Variants in SF3A2 observed in about 807,000 individuals in gnomAD.
SF3A2 encodes the protein splicing factor 3a subunit 2, also known as SAP 62.
A neutral mutation model predicts 31.1 loss-of-function variants in SF3A2; 5 were observed. The ratio of observed to expected loss-of-function variants is 0.16; its 90% CI spans 0.08 to 0.34. The LOEUF is 0.34. Among genes scored for constraint, SF3A2 ranks in the 10% least tolerant of loss-of-function variants. The pLI, the probability that SF3A2 is intolerant of heterozygous loss-of-function variation, is 1.00. For synonymous variants in SF3A2, 365 were observed against 263.7 expected (o/e 1.38, Z -3.72); for missense variants, 577 against 643.9 (o/e 0.90, Z 1.13).
chr19:2,240,482 C>T (rs149479783), intron 1 of SF3A2, among the ~76,000 whole-genome samples: 27 of 152,290 alleles, frequency 1.8e-4, no homozygotes, highest in East Asian at 1.3e-3. Context: ...TCGGTGGCTG[C>T]GATGGCTTGG....
rs575207411 is a variant in SF3A2, at chr19:2,240,412, G to A, written c.-37-2970G>A. Among the ~76,000 whole-genome samples the A allele has an allele frequency of 5.9e-5, 9 of 152,350 alleles. No homozygotes were observed. The East Asian group carries it at 1.5e-3, about 26-fold the overall frequency. ...CTCGAGGGTTGTGGGCGATCCGAGC[G>A]TGGGACCTTCCCCGGGGTGCCGCCC... On this transcript the variant is annotated intron_variant, in intron 1 of 8. Transcript: ENST00000221494.
intron 2 of SF3A2, among the ~76,000 whole-genome samples, chr19:2,243,850 C>A (rs2024910149): frequency 6.6e-6 from 1 of 152,222 alleles, no homozygotes; most frequent in African/African-American, 2.4e-5. Flanking sequence ...TGGTGAAGGG[C>A]AGCCTTTGAT....
In SF3A2 at chr19:2,247,487, C is replaced by T. The variant is rs115899111; in HGVS notation, c.547-107C>T. The T allele has an allele frequency of 3.7e-4, 427 of 1,148,210 alleles. 1 individual carries two copies. The African/African-American group carries it at 4.9e-3, about 13-fold the overall frequency. 71.1% of individuals were successfully genotyped at this position (1,148,210 alleles called of 1,614,324 possible). On this transcript the variant is annotated intron_variant, in intron 7 of 8. Transcript: ENST00000221494. ...AGTCTTACCAGCCTTCTCCTGGGCT[C>T]CCAGGGTAGAGTCCGGGCTGGGGAG...
In SF3A2 at chr19:2,247,970, G is replaced by C. The variant is rs2145019499; in HGVS notation, c.819G>C (p.Gly273=). Residue 273 remains glycine, a synonymous_variant, in exon 9 of 9, where the codon GGG becomes GGC. Transcript: ENST00000221494. ...CCCCCACAGGGCCTGCGCCCTCAGG[G>C]CCCCCGGGACCACCCCAGCTACCCC... The part of the protein sequence containing the change: ...PMPPTGPAPS[G]PPGPPQLPPP... The C allele has an allele frequency of 8.8e-7, 1 of 1,134,272 alleles. No individual in the cohort carries two copies. The highest frequency in any genetic ancestry group is 2.0e-5 in the Admixed American group (1 of 50,290). The allele number at this position is 1,134,272 out of a possible 1,614,324, so 70.3% of individuals were successfully genotyped here. A position where few individuals can be genotyped will look rare whatever the true frequency, so the allele number is the denominator to read the frequency against.
intron 2 of SF3A2, among the ~76,000 whole-genome samples, chr19:2,244,244 T>C (rs2024913748): frequency 6.7e-6 from 1 of 150,188 alleles, no homozygotes; most frequent in Admixed American, 6.6e-5. Context: ...GGCGGTGCTG[T>C]CCTGGCTGTG....
rs1216803775 is a variant in SF3A2 at position 2,245,400 on chromosome 19, G to T, written c.246-46G>T. 2.1e-6 allele frequency: 3 copies of T among 1,425,932 alleles called. No individual in the cohort carries two copies. Among genetic ancestry groups the T allele is most frequent in the Non-Finnish European group, 2.9e-6 (3 of 1,035,982 alleles). The allele number at this position is 1,425,932 out of a possible 1,614,324, so 88.3% of individuals were successfully genotyped here. A position where few individuals can be genotyped will look rare whatever the true frequency, so the allele number is the denominator to read the frequency against. On this transcript the variant is annotated intron_variant, in intron 4 of 8. Transcript: ENST00000221494. This position sits in a 1 kb window ranked among gnomAD's most constrained non-coding sequence, Gnocchi z 4.2. The stretch of plus-strand genomic sequence containing the variant: ...TGGCACCTGGGCCCATGGCTTTGGT[G>T]CCTGTGTGTGGAGGGGTCCCAGCAG...
intron 8 of SF3A2, 44 bp from the exon 9 acceptor site, chr19:2,247,723 C>T (rs772743383): frequency 6.2e-7 from 1 of 1,611,292 alleles, no homozygotes; most frequent in East Asian, 2.2e-5. Context: ...CTAGCCCTGC[C>T]CTAGCCCCAC....
intron 1 of SF3A2, among the ~76,000 whole-genome samples, chr19:2,242,883 C>T (rs977840054): frequency 1.3e-5 from 2 of 152,170 alleles, no homozygotes; most frequent in African/African-American, 2.4e-5. Flanking sequence ...CCTCACTGAT[C>T]TCCGCCTAAC....
chr19:2,244,118 C>T (rs747688481), intron 2 of SF3A2, among the ~76,000 whole-genome samples: 18 of 152,270 alleles, frequency 1.2e-4, no homozygotes, highest in South Asian at 2.1e-4. Context: ...TGCAGATGGG[C>T]GGGTCTTTGG....
chr19:2,240,368 G>A (rs2024879117), intron 1 of SF3A2, among the ~76,000 whole-genome samples: 3 of 152,316 alleles, frequency 2.0e-5, no homozygotes, highest in Admixed American at 1.3e-4. Flanking sequence ...AGTTCTTCTG[G>A]GAATAAAGTT....
At chr19:2,240,023 C>T (rs1438202924) in intron 1 of SF3A2, among the ~76,000 whole-genome samples, 6 of 152,308 alleles carry the variant, frequency 3.9e-5, no homozygotes, top group East Asian at 3.9e-4. Flanking sequence ...ACAAAGCGGC[C>T]GGCAGCTCTG....
intron 1 of SF3A2, among the ~76,000 whole-genome samples, chr19:2,240,907 G>A (rs1176173682): frequency 6.6e-6 from 1 of 152,250 alleles, no homozygotes; most frequent in Non-Finnish European, 1.5e-5. Context: ...AGCGCAGGTC[G>A]CTCCTGAGGC....
chr19:2,248,140 A>AC lies in SF3A2; in HGVS notation c.995dup (p.Ala333SerfsTer?). 5.8e-6 allele frequency: 8 copies of AC among 1,376,446 alleles called. No homozygotes were observed. The highest frequency in any genetic ancestry group is 1.3e-5 in the South Asian group (1 of 77,886). The allele number at this position is 1,376,446 out of a possible 1,614,324, so 85.3% of individuals were successfully genotyped here. ...GTCCACCCACCAACCTCTGGGGTCC[A>AC]CCCCCCAGCTCCTGGAGTCCACCCT... On this transcript the variant is annotated frameshift_variant, in exon 9 of 9. Coordinates refer to ENST00000221494, the MANE Select transcript of SF3A2 (RefSeq NM_007165.5). LOFTEE classifies it low-confidence loss of function (END_TRUNC).
chr19:2,248,005 C>T lies in SF3A2; in HGVS notation c.854C>T (p.Pro285Leu), dbSNP rs774551659. Residue 285 changes from proline (P) to leucine (L), a missense_variant, in exon 9 of 9, where the codon CCA (proline) becomes CTA (leucine). By Grantham distance (98) the Pro-to-Leu change is moderately conservative. Coordinates refer to ENST00000221494, the MANE Select transcript of SF3A2 (RefSeq NM_007165.5). ...PGPPQLPPPAPGVHPPAPVVH... is the reference protein window; with the variant it reads ...PGPPQLPPPALGVHPPAPVVH... ...CCACCCCAGCTACCCCCGCCAGCTCCAGGGGTCCACCCCCCGGCCCCAGTG... is the reference window on the plus strand; with the variant it reads ...CCACCCCAGCTACCCCCGCCAGCTCTAGGGGTCCACCCCCCGGCCCCAGTG... 1.0e-6 allele frequency: 1 copy of T among 961,054 alleles called. No individual in the cohort carries two copies. Among genetic ancestry groups the T allele is most frequent in the South Asian group, 1.4e-5 (1 of 73,248 alleles). The allele number at this position is 961,054 out of a possible 1,614,324, so 59.5% of individuals were successfully genotyped here.
At chr19:2,243,081 T>C (rs1404377375) in intron 1 of SF3A2, among the ~76,000 whole-genome samples, 1 of 152,140 alleles carries the variant, frequency 6.6e-6, no homozygotes, top group African/African-American at 2.4e-5. Flanking sequence ...CCTATTACAA[T>C]TTCAGGTCTC....
chr19:2,242,386 T>G (rs2024898598), intron 1 of SF3A2, among the ~76,000 whole-genome samples: 1 of 152,236 alleles, frequency 6.6e-6, no homozygotes, highest in Non-Finnish European at 1.5e-5. Flanking sequence ...CAGAGGCACC[T>G]GTGTGCCTTG....
At chr19:2,243,263 C>T (rs560654466) in intron 1 of SF3A2, 119 bp from the exon 2 acceptor site, 18 of 769,388 alleles carry the variant, frequency 2.3e-5, no homozygotes, top group Admixed American at 1.9e-4. Context: ...TAGACCCTGG[C>T]GCTGGGAGTG....
At position 2,245,188 on chromosome 19, in the gene SF3A2, A is replaced by G; in HGVS notation, c.246-258A>G. The stretch of plus-strand genomic sequence containing the variant: ...GACAGAGTGAGACTCTTGTCTTATT[A>G]AAAAAAAAAAAAAAGAGCAGAGGCA... On this transcript the variant is annotated intron_variant, in intron 4 of 8. Coordinates refer to ENST00000221494, the MANE Select transcript of SF3A2 (RefSeq NM_007165.5). The surrounding 1 kb of genome is among the most constrained non-coding windows in gnomAD (Gnocchi z 4.2). The G allele has an allele frequency of 6.4e-6, 1 of 156,582 alleles. No homozygotes were observed. The highest frequency in any genetic ancestry group is 1.3e-5 in the Non-Finnish European group (1 of 77,436). The allele number at this position is 156,582 out of a possible 1,614,324, so 9.7% of individuals were successfully genotyped here. A position where few individuals can be genotyped will look rare whatever the true frequency, so the allele number is the denominator to read the frequency against.
chr19:2,242,234 G>T (rs2024897072), intron 1 of SF3A2, among the ~76,000 whole-genome samples: 1 of 152,264 alleles, frequency 6.6e-6, no homozygotes, highest in South Asian at 2.1e-4. Context: ...CAGACACTGT[G>T]ACACATCACT....
Sources: gnomAD v4.1 joint callset for allele counts (sites outside exome capture counted in the v4.1 genomes callset) on GRCh38, gnomAD v4.1.1 for gene constraint, Gnocchi (gnomAD v3.1) non-coding constraint, MANE v1.5 for transcripts, NCBI Gene and HGNC (gene_info 2026-07-23, HGNC 2026-07-21) for gene names.